The following RNLS variants were observed in gnomAD, a reference collection of about 807,000 sequenced individuals.
RNLS encodes renalase.
A neutral mutation model predicts 39.8 loss-of-function variants in RNLS; 39 were observed. The ratio of observed to expected loss-of-function variants is 0.98; its 90% CI spans 0.76 to 1.28. The LOEUF (loss-of-function observed/expected upper bound fraction) is 1.28. Among genes scored for constraint, RNLS ranks in the 50% most tolerant of loss-of-function variants. RNLS has a pLI of 0.00. For missense variants in RNLS, 410 were observed against 413.3 expected (o/e 0.99, Z 0.07); for synonymous variants, 147 against 150.7 (o/e 0.98, Z 0.18).
intron 4 of RNLS, among the ~76,000 whole-genome samples, chr10:88,427,944 T>G (rs186978384): frequency 2.2e-4 from 34 of 152,070 alleles, no homozygotes; most frequent in Non-Finnish European, 4.4e-4. Context: ...ACGTTTTCTT[T>G]GTACTATGTT....
At chr10:88,309,243 C>T (rs1029294713) in intron 6 of RNLS, 3 of 184,174 alleles carry the variant, frequency 1.6e-5, no homozygotes, top group African/African-American at 7.2e-5. Context: ...TTTACCCATA[C>T]AACAAACCTG....
At chr10:88,247,691 G>A in the RNLS span, among the ~76,000 whole-genome samples, 22 of 152,218 alleles carry the variant, frequency 1.4e-4, no homozygotes, top group African/African-American at 4.3e-4. Flanking sequence ...CTGAGAGCCT[G>A]TTATGCTACC....
At chr10:88,313,823 T>C (rs1845555027) in intron 6 of RNLS, among the ~76,000 whole-genome samples, 2 of 152,230 alleles carry the variant, frequency 1.3e-5, no homozygotes. Context: ...AGACTTTTTC[T>C]ATGAATACTC....
chr10:88,572,283 A>C (rs999909052), intron 4 of RNLS, among the ~76,000 whole-genome samples: 10 of 152,202 alleles, frequency 6.6e-5, no homozygotes, highest in African/African-American at 2.4e-4. Context: ...AAAGAAATTA[A>C]ACAAAGGTTA....
chr10:88,426,001 T>C (rs1364922707), intron 4 of RNLS, among the ~76,000 whole-genome samples: 1 of 152,038 alleles, frequency 6.6e-6, no homozygotes, highest in Non-Finnish European at 1.5e-5. Flanking sequence ...AGTTCCAGAA[T>C]TATCCCAAAA....
chr10:88,235,075 C>A, the RNLS span, among the ~76,000 whole-genome samples: 27 of 151,870 alleles, frequency 1.8e-4, no homozygotes, highest in African/African-American at 6.5e-4. Flanking sequence ...TCCTGGCTAA[C>A]ACGGTGAAAC....
chr10:88,582,412 T>C, intron 1 of RNLS, 105 bp from the exon 2 acceptor site: 1 of 830,356 alleles, frequency 1.2e-6, no homozygotes, highest in Non-Finnish European at 1.9e-6. Context: ...AAAAATATCT[T>C]AAGAAACTTT....
At chr10:88,206,819 CT>C in the RNLS span, among the ~76,000 whole-genome samples, 2 of 151,730 alleles carry the variant, frequency 1.3e-5, no homozygotes, top group South Asian at 2.1e-4. Flanking sequence ...AAAAGAAGGC[CT>C]TTTTTTTGTA....
chr10:88,241,531 T>TA, the RNLS span, among the ~76,000 whole-genome samples: 5 of 152,206 alleles, frequency 3.3e-5, no homozygotes, highest in Non-Finnish European at 7.3e-5. Flanking sequence ...TTCTGCCTCT[T>TA]AAAAAAATCA....
rs570877565 is a variant in RNLS, at chr10:88,355,966, G to T, written c.700+6586C>A. ...CCTTGCAGTTCGATCTCAGACTGCT[G>T]TGCTGGCAACGAGAGATGAGCAAGG... On this transcript the variant is annotated intron_variant, in intron 5 of 6. Transcript: ENST00000331772. Among the ~76,000 whole-genome samples the T allele has an allele frequency of 4.1e-3, 632 of 152,320 alleles. 5 individuals are homozygous for T. The highest frequency in any genetic ancestry group is 0.014 in the African/African-American group (584 of 41,576).
At chr10:88,254,909 ACAT>A in the RNLS span, among the ~76,000 whole-genome samples, 2 of 152,244 alleles carry the variant, frequency 1.3e-5, no homozygotes, top group Admixed American at 1.3e-4. Context: ...GAGGGAAGAA[ACAT>A]CATGCCTTCC....
chr10:88,428,772 C>A lies in RNLS; in HGVS notation c.527-66047G>T, dbSNP rs555816094. ...ACATCAGAGGAATATCAGATCAGAT[C>A]CTACTGTGTGAAGAGGTTACACCAT... On this transcript the variant is annotated intron_variant, in intron 4 of 6. Transcript: ENST00000331772. Among the ~76,000 whole-genome samples, 23 of 152,046 alleles carry A rather than the reference C, an allele frequency of 1.5e-4. No homozygotes were observed. In the East Asian group the frequency reaches 4.4e-3, roughly 29 times the overall value.
intron 5 of RNLS, chr10:88,343,713 AGATTTT>A: frequency 1.0e-6 from 1 of 985,384 alleles, no homozygotes; most frequent in Non-Finnish European, 1.2e-6. Context: ...GTTTGGGAGA[AGATTTT>A]CTTTGGCCGA....
At chr10:88,527,551 A>G (rs903460208) in intron 4 of RNLS, among the ~76,000 whole-genome samples, 5 of 152,140 alleles carry the variant, frequency 3.3e-5, no homozygotes, top group African/African-American at 9.7e-5. Flanking sequence ...ATCTTTTTCT[A>G]TTTCATACAA....
At chr10:88,279,205 C>T (rs181196862), downstream of RNLS, among the ~76,000 whole-genome samples, 5 of 152,278 alleles carry the variant, frequency 3.3e-5, no homozygotes, top group East Asian at 9.6e-4. Flanking sequence ...CACTTAAATA[C>T]AGTCACCAGT....
chr10:88,225,048 T>C, the RNLS span, among the ~76,000 whole-genome samples: 1 of 152,230 alleles, frequency 6.6e-6, no homozygotes, highest in Non-Finnish European at 1.5e-5. Context: ...AGGAAGTATG[T>C]GGTGTATCAA....
At chr10:88,265,048 ACATGTGG>A in the RNLS span, among the ~76,000 whole-genome samples, 1 of 152,066 alleles carries the variant, frequency 6.6e-6, no homozygotes, top group African/African-American at 2.4e-5. Flanking sequence ...TTATTCTTCT[ACATGTGG>A]CTTGCCAATT....
chr10:88,505,756 C>T (rs560594470), intron 4 of RNLS, among the ~76,000 whole-genome samples: 9 of 152,098 alleles, frequency 5.9e-5, no homozygotes, highest in African/African-American at 1.7e-4. Flanking sequence ...ATCTTTACAA[C>T]GGAGAGATCT....
At chr10:88,321,066 T>A (rs1023415666) in intron 5 of RNLS, among the ~76,000 whole-genome samples, 1 of 151,874 alleles carries the variant, frequency 6.6e-6, no homozygotes, top group African/African-American at 2.4e-5. Context: ...CAAATCTTAA[T>A]ACATTTAAAA....
Sources: allele counts gnomAD v4.1 joint callset (sites outside exome capture counted in the v4.1 genomes callset), GRCh38; gene constraint gnomAD v4.1.1; transcripts MANE v1.5; gene names NCBI Gene and HGNC (gene_info 2026-07-23, HGNC 2026-07-21).